Variants in POLG observed in about 807,000 individuals in gnomAD.
The protein encoded by POLG is DNA polymerase subunit gamma-1.
A neutral mutation model predicts 155.4 loss-of-function variants in POLG; 110 were observed. The observed-to-expected ratio is 0.71, with a 90% CI of 0.61 to 0.83. POLG has a LOEUF of 0.83. Ranked by LOEUF, POLG falls within the 40% of genes least tolerant of loss-of-function variation. POLG has a pLI of 0.00. For synonymous variants in POLG, 701 were observed against 631.5 expected (o/e 1.11, Z -1.65); for missense variants, 1,685 against 1,627.5 (o/e 1.04, Z -0.61).
At chr15:89,320,642 G>T (rs868823431) in intron 18 of POLG, 124 bp downstream of exon 18, 21 of 1,092,822 alleles carry the variant, frequency 1.9e-5, no homozygotes, top group Middle Eastern at 2.9e-4. Context: ...CACAGGTGTG[G>T]AAGGAGAGGG....
At position 89,328,747 on chromosome 15, in the gene POLG, C is replaced by G; in HGVS notation, c.1108G>C (p.Glu370Gln). ...ACAAACAGTTCTCGAGGCTCCTTCT[C>G]TAAGGGAGGCCCCCCTACATAAAGT... ...HRLYVGGPPL[E>Q]KEPRELFVKG... Residue 370 changes from glutamate (E) to glutamine (Q), a missense_variant, in exon 5 of 23, where the codon GAG (glutamate) becomes CAG (glutamine). By Grantham distance (29) the Glu-to-Gln change is conservative (BLOSUM62 2). Around this residue, in one of 3 missense-constraint regions of POLG, gnomAD observed 1,210 missense variants for 1,167.1 expected, o/e 1.04. Coordinates refer to ENST00000268124, the MANE Select transcript of POLG (RefSeq NM_002693.3). 6.2e-7 allele frequency: 1 copy of G among 1,614,142 alleles called. No homozygotes were observed. The highest frequency in any genetic ancestry group is 1.1e-5 in the South Asian group (1 of 91,090).
intron 3 of POLG, among the ~76,000 whole-genome samples, chr15:89,329,754 G>A (rs892112465): frequency 7.2e-5 from 11 of 152,112 alleles, no homozygotes; most frequent in African/African-American, 2.4e-4. Context: ...ATGTTAAGGC[G>A]CTCACAGTAG....
At chr15:89,317,699 T>C (rs184650659) in intron 21 of POLG, 163 bp from the exon 22 acceptor site, 42 of 708,748 alleles carry the variant, frequency 5.9e-5, no homozygotes, top group African/African-American at 4.6e-4. Context: ...CAGCACTGTT[T>C]TCCATCCAGC....
At chr15:89,319,141 T>A (rs773815932) in intron 19 of POLG, 42 bp from the exon 20 acceptor site, 2 of 1,614,156 alleles carry the variant, frequency 1.2e-6, no homozygotes, top group East Asian at 4.5e-5. Context: ...TCTTTCAGCA[T>A]CTCAAAGCTA....
At position 89,325,468 on chromosome 15, in the gene POLG, C is replaced by G. The variant is rs1399714899; in HGVS notation, c.1931G>C (p.Gly644Ala). 6.2e-7 allele frequency: 1 copy of G among 1,604,156 alleles called. No homozygotes were observed. The highest frequency in any genetic ancestry group is 8.5e-7 in the Non-Finnish European group (1 of 1,179,646). ...GCCTTACCTGTAGGGGCAGACCACC[C>G]CAGCTGACTCCAGGGTGGTACCTGT... Reference protein sequence around the residue: ...LPTGTTLESAGVVCPYRAIES... With the variant: ...LPTGTTLESAAVVCPYRAIES... Residue 644 changes from glycine to alanine, a missense_variant, in exon 10 of 23, where the codon GGG (glycine) becomes GCG (alanine). By Grantham distance (60) the Gly-to-Ala change is moderately conservative. Around this residue, in one of 3 missense-constraint regions of POLG, gnomAD observed 1,210 missense variants for 1,167.1 expected, o/e 1.04. Coordinates refer to ENST00000268124, the MANE Select transcript of POLG (RefSeq NM_002693.3).
chr15:89,334,069 A>C (rs1596363154), intron 1 of POLG, 156 bp from the exon 2 acceptor site: 2 of 432,706 alleles, frequency 4.6e-6, no homozygotes, highest in Non-Finnish European at 8.4e-6. Flanking sequence ...AAACGTCAAT[A>C]CCCCTCCTGG....
intron 14 of POLG, among the ~76,000 whole-genome samples, chr15:89,322,473 A>G (rs1221890923): frequency 6.6e-6 from 1 of 152,246 alleles, no homozygotes; most frequent in African/African-American, 2.4e-5. Flanking sequence ...GTCCTCAGCC[A>G]TAGCCCACGG....
In POLG at chr15:89,333,278, C is replaced by T; in HGVS notation, c.477G>A (p.Gln159=). The T allele has an allele frequency of 1.3e-6, 2 of 1,559,758 alleles. No individual in the cohort carries two copies. The highest frequency in any genetic ancestry group is 1.7e-6 in the Non-Finnish European group (2 of 1,151,404). The change falls in exon 2 of 23, where the codon CAG becomes CAA. Residue 159 remains glutamine, a synonymous_variant. Transcript: ENST00000268124. ...PYLEAANLLL[Q]AQLPPKPPAW... is the part of the protein sequence containing the mutation. The stretch of plus-strand genomic sequence containing the variant: ...CCGGGGGCTTCGGGGGCAGCTGGGC[C>T]TGCAACAGCAAGTTGGCCGCCTCCA...
chr15:89,333,579 GGCTGCTGAGGCT>G lies in POLG; in HGVS notation c.164_175del (p.Gln55_Gln58del). ...CCCGCCCTCCGAGGATAGCACTTGC[GGCTGCTGAGGCT>G]GCTGTTGCTGCTGCTGCTGCTGCTG... On this transcript the variant is annotated inframe_deletion, in exon 2 of 23. Transcript: ENST00000268124. 6.2e-7 allele frequency: 1 copy of G among 1,608,170 alleles called. No homozygotes were observed. The highest frequency in any genetic ancestry group is 1.3e-5 in the African/African-American group (1 of 74,680).
chr15:89,333,027 G>A (rs1463663518), intron 2 of POLG, 69 bp downstream of exon 2: 7 of 1,488,568 alleles, frequency 4.7e-6, no homozygotes, highest in African/African-American at 2.8e-5. Context: ...CTCAGAAAAT[G>A]TTCACTGAAA....
rs758613718 is a variant in POLG, at chr15:89,320,880, C to T, written c.2867G>A (p.Gly956Asp). ...AKIFNYGRIY[G>D]AGQPFAERLL... is the part of the protein sequence containing the mutation. ...GCGCTCAGCAAAGGGCTGCCCAGCA[C>T]CATAGATGCGGCCGTAGTTGAAGAT... The change falls in exon 18 of 23, where the codon GGT becomes GAT. Residue 956 changes from glycine to aspartate, a missense_variant. By Grantham distance (94) the Gly-to-Asp change is moderately conservative (BLOSUM62 -1). This residue lies in a region of POLG where 470 missense variants were observed against 439.9 expected (regional missense o/e 1.07). Coordinates refer to ENST00000268124, the MANE Select transcript of POLG (RefSeq NM_002693.3). 2 of 1,614,018 alleles carry T rather than the reference C, an allele frequency of 1.2e-6. No homozygotes were observed. The highest frequency in any genetic ancestry group is 1.1e-5 in the South Asian group (1 of 91,084).
chr15:89,319,613 G>A (rs1034932989), intron 18 of POLG, among the ~76,000 whole-genome samples: 1 of 152,154 alleles, frequency 6.6e-6, no homozygotes, highest in Non-Finnish European at 1.5e-5. Flanking sequence ...AAAGGACAAA[G>A]ACTCCAGCAC....
chr15:89,319,381 G>A lies in POLG; in HGVS notation c.2982-31C>T, dbSNP rs2307432. ...GGCAGTGTTATCACCATCATTCCAC[G>A]GGAGTGCTTCCTGTGCCACGCTAGT... On this transcript the variant is annotated intron_variant, in intron 18 of 22. Coordinates refer to ENST00000268124, the MANE Select transcript of POLG (RefSeq NM_002693.3). 33 of 1,611,988 alleles carry A rather than the reference G, an allele frequency of 2.0e-5. No homozygotes were observed. The highest frequency in any genetic ancestry group is 6.7e-5 in the East Asian group (3 of 44,880).
chr15:89,321,623 A>C lies in POLG; in HGVS notation c.2598+113T>G, dbSNP rs1039936666. On this transcript the variant is annotated intron_variant, in intron 16 of 22. Transcript: ENST00000268124. ...ATTTGACTAGAGTCCTGCCTGACCC[A>C]GATCACAGGGTCCTTTTCATGATCC... 4.7e-6 allele frequency: 4 copies of C among 847,710 alleles called. No homozygotes were observed. In the African/African-American group the frequency reaches 6.6e-5, roughly 14 times the overall value. 52.5% of individuals were successfully genotyped at this position (847,710 alleles called of 1,614,324 possible).
In POLG at chr15:89,319,117, G is replaced by T; in HGVS notation, c.3105-18C>A. 7 of 1,614,180 alleles carry T rather than the reference G, an allele frequency of 4.3e-6. No individual in the cohort carries two copies. Among genetic ancestry groups the T allele is most frequent in the Non-Finnish European group, 5.9e-6 (7 of 1,180,026 alleles). ...ACTGTGACCTAAGGGACCAGAAACA[G>T]AGGGCAGACTTTGTCTTTCAGCATC... On this transcript the variant is annotated intron_variant, in intron 19 of 22. Coordinates refer to ENST00000268124, the MANE Select transcript of POLG (RefSeq NM_002693.3).
intron 13 of POLG, among the ~76,000 whole-genome samples, chr15:89,323,202 C>T (rs2055423622): frequency 6.6e-6 from 1 of 152,214 alleles, no homozygotes; most frequent in Non-Finnish European, 1.5e-5. Flanking sequence ...CATTTAATTC[C>T]ACCACCATGC....
chr15:89,318,268 C>G (rs971444595), intron 21 of POLG, among the ~76,000 whole-genome samples: 1 of 152,158 alleles, frequency 6.6e-6, no homozygotes, highest in Non-Finnish European at 1.5e-5. Context: ...TGAGTACCAC[C>G]CTTCGGAACA....
Position 89,325,639 on chromosome 15 carries a change from G to A in POLG, c.1760C>T (p.Pro587Leu), listed in dbSNP as rs113994096. Residue 587 changes from proline (P) to leucine (L), a missense_variant, in exon 10 of 23, where the codon CCG becomes CTG. Pro to Leu is a moderately conservative substitution (Grantham distance 98). Around this residue, in one of 3 missense-constraint regions of POLG, gnomAD observed 1,210 missense variants for 1,167.1 expected, o/e 1.04. Transcript: ENST00000268124. ...CTGCAGGCTGAGGAGGCTGGGGCCC[G>A]GGGTCCATGCAGGGTCGTCTAGCCG... is the stretch of plus-strand genomic sequence containing the variant. ...CPRLDDPAWT[P>L]GPSLLSLQMR... 3,201 of 1,612,514 alleles carry A rather than the reference G, an allele frequency of 2.0e-3. 2 individuals are homozygous for A. Among genetic ancestry groups the A allele is most frequent in the Non-Finnish European group, 2.4e-3 (2,884 of 1,179,992 alleles).
At chr15:89,332,416 T>C (rs2055605030) in intron 2 of POLG, 1 of 152,176 alleles carries the variant, frequency 6.6e-6, no homozygotes, top group South Asian at 2.1e-4. Flanking sequence ...AGTACTGCCA[T>C]CATTGTTTGA....
Sources: gnomAD v4.1 joint callset for allele counts (sites outside exome capture counted in the v4.1 genomes callset) on GRCh38, gnomAD v4.1.1 for gene constraint, gnomAD v4.1.1 regional missense constraint, MANE v1.5 for transcripts, NCBI Gene and HGNC (gene_info 2026-07-23, HGNC 2026-07-21) for gene names.